Variants in EPB41L4A observed in about 807,000 individuals in gnomAD.
EPB41L4A encodes erythrocyte membrane protein band 4.1 like 4A.
A neutral mutation model predicts 108.6 loss-of-function variants in EPB41L4A; 100 were observed. That is an observed-to-expected ratio of 0.92 (90% CI 0.78 to 1.09). EPB41L4A has a LOEUF of 1.09. Ranked by LOEUF, EPB41L4A falls within the 50% of genes least tolerant of loss-of-function variation. The pLI, the probability that EPB41L4A is intolerant of heterozygous loss-of-function variation, is 0.00. For synonymous variants in EPB41L4A, 319 were observed against 289.0 expected (o/e 1.10, Z -1.05); for missense variants, 1,030 against 842.7 (o/e 1.22, Z -2.75).
chr5:112,145,200 G>A (rs1759205072), intron 13 of EPB41L4A, among the ~76,000 whole-genome samples: 1 of 152,188 alleles, frequency 6.6e-6, no homozygotes, highest in Admixed American at 6.5e-5. Flanking sequence ...TGAGGTGGGA[G>A]AATCACTTGA....
intron 12 of EPB41L4A, among the ~76,000 whole-genome samples, chr5:112,211,985 G>A (rs1472463162): frequency 5.3e-5 from 8 of 152,152 alleles, no homozygotes; most frequent in African/African-American, 1.7e-4. Flanking sequence ...CCAGGAATAA[G>A]AAAAGACTAA....
chr5:112,160,853 C>A (rs531075591), downstream of EPB41L4A: 11 of 156,208 alleles, frequency 7.0e-5, no homozygotes, highest in African/African-American at 2.4e-4. Context: ...CATTGTGGGA[C>A]GGAAGCCTGT....
chr5:112,258,274 T>C (rs149107432), intron 9 of EPB41L4A, among the ~76,000 whole-genome samples: 140 of 152,322 alleles, frequency 9.2e-4, no homozygotes, highest in African/African-American at 3.2e-3. Flanking sequence ...ATGAAGTACC[T>C]ACTACATGTG....
chr5:112,398,120 G>A (rs1233412107), intron 1 of EPB41L4A, among the ~76,000 whole-genome samples: 2 of 152,138 alleles, frequency 1.3e-5, no homozygotes, highest in South Asian at 4.1e-4. Flanking sequence ...GACAGGAAGA[G>A]GATCACACAG....
intron 1 of EPB41L4A, among the ~76,000 whole-genome samples, chr5:112,366,758 G>A (rs1337540149): frequency 6.6e-6 from 1 of 152,116 alleles, no homozygotes; most frequent in African/African-American, 2.4e-5. Context: ...TACAACCAGG[G>A]GGACAAATGA....
chr5:112,183,653 C>T (rs1004726788), intron 18 of EPB41L4A, among the ~76,000 whole-genome samples: 20 of 152,266 alleles, frequency 1.3e-4, no homozygotes, highest in African/African-American at 4.8e-4. Flanking sequence ...CAGTCTGGAA[C>T]AAGACTTCAG....
At chr5:112,298,592 T>C (rs183312087) in intron 2 of EPB41L4A, among the ~76,000 whole-genome samples, 8 of 152,336 alleles carry the variant, frequency 5.3e-5, no homozygotes, top group African/African-American at 1.7e-4. Flanking sequence ...TTAGCGAGTA[T>C]TTTGTTAAAT....
At chr5:112,176,496 C>G (rs1760869655) in intron 18 of EPB41L4A, among the ~76,000 whole-genome samples, 1 of 152,128 alleles carries the variant, frequency 6.6e-6, no homozygotes, top group Non-Finnish European at 1.5e-5. Flanking sequence ...CCCTTCCCAT[C>G]TCAGTAAAAC....
intron 2 of EPB41L4A, among the ~76,000 whole-genome samples, chr5:112,282,360 C>T (rs1344397495): frequency 2.0e-5 from 3 of 152,166 alleles, no homozygotes. Flanking sequence ...TTTACTATCC[C>T]CTGAATTTTC....
chr5:112,305,196 C>T (rs1181645443), intron 2 of EPB41L4A, among the ~76,000 whole-genome samples: 7 of 152,234 alleles, frequency 4.6e-5, no homozygotes, highest in East Asian at 3.9e-4. Context: ...TCTTAGTTTG[C>T]GTTTCATCAT....
At chr5:112,358,806 T>G (rs1212851012) in intron 1 of EPB41L4A, among the ~76,000 whole-genome samples, 1 of 152,138 alleles carries the variant, frequency 6.6e-6, no homozygotes, top group Non-Finnish European at 1.5e-5. Context: ...CCACTGACAG[T>G]AGAATGGATA....
intron 4 of EPB41L4A, 106 bp from the exon 5 acceptor site, chr5:112,266,436 TA>T: frequency 1.4e-6 from 1 of 706,732 alleles, no homozygotes; most frequent in Non-Finnish European, 2.3e-6. Context: ...TCAATTAAAA[TA>T]AAGTCACCCC....
At chr5:112,357,675 A>G (rs533568418) in intron 1 of EPB41L4A, among the ~76,000 whole-genome samples, 1 of 152,284 alleles carries the variant, frequency 6.6e-6, no homozygotes, top group Non-Finnish European at 1.5e-5. Context: ...TGTCCTCTTT[A>G]CCTACACTGA....
At chr5:112,250,909 G>A (rs1310894189) in intron 9 of EPB41L4A, 1 of 152,168 alleles carries the variant, frequency 6.6e-6, no homozygotes, top group African/African-American at 2.4e-5. Context: ...TAACCTCACA[G>A]CAGCATCATA....
intron 1 of EPB41L4A, among the ~76,000 whole-genome samples, chr5:112,308,101 A>T (rs557532599): frequency 6.6e-6 from 1 of 152,164 alleles, no homozygotes; most frequent in African/African-American, 2.4e-5. Flanking sequence ...ATAACTACCT[A>T]AAAAGCTAAT....
At chr5:112,280,218 A>C in intron 3 of EPB41L4A, 54 bp downstream of exon 3, 1 of 1,486,966 alleles carries the variant, frequency 6.7e-7, no homozygotes, top group Non-Finnish European at 9.4e-7. Flanking sequence ...CTAATCATGG[A>C]CTTTGTCATC....
chr5:112,234,138 G>A (rs1361504439), intron 12 of EPB41L4A, among the ~76,000 whole-genome samples: 1 of 150,126 alleles, frequency 6.7e-6, no homozygotes, highest in Non-Finnish European at 1.5e-5. Context: ...GGGCAACATA[G>A]TGAGACCCTA....
At chr5:112,271,923 C>T (rs1481340925) in intron 4 of EPB41L4A, among the ~76,000 whole-genome samples, 48 of 152,126 alleles carry the variant, frequency 3.2e-4, no homozygotes, top group Non-Finnish European at 2.9e-5. Context: ...TGAAAGTCCC[C>T]CCAGTTTCAT....
chr5:112,329,548 A>G (rs1215780969), intron 1 of EPB41L4A, among the ~76,000 whole-genome samples: 1 of 152,192 alleles, frequency 6.6e-6, no homozygotes, highest in African/African-American at 2.4e-5. Context: ...GACAACATCT[A>G]ATACCAAGTC....
Sources: gnomAD v4.1 joint callset for allele counts (sites outside exome capture counted in the v4.1 genomes callset) on GRCh38, gnomAD v4.1.1 for gene constraint, MANE v1.5 for transcripts, NCBI Gene and HGNC (gene_info 2026-07-23, HGNC 2026-07-21) for gene names.